The following EEPD1 variants were observed in gnomAD, a reference collection of about 807,000 sequenced individuals.
EEPD1 encodes the protein endonuclease/exonuclease/phosphatase family domain-containing protein 1.
EEPD1 carries 17 observed loss-of-function variants against 46.3 expected under a neutral mutation model. That is an observed-to-expected ratio of 0.37 (90% CI 0.25 to 0.55). The LOEUF is 0.55. EEPD1 is among the 20% of genes least tolerant of loss of function. EEPD1 has a pLI of 0.83. For synonymous variants in EEPD1, 313 were observed against 315.6 expected (o/e 0.99, Z 0.09); for missense variants, 673 against 745.6 (o/e 0.90, Z 1.13).
In EEPD1 at chr7:36,178,042, C is replaced by T. The variant is rs559160307; in HGVS notation, c.878+22840C>T. On this transcript the variant is annotated intron_variant, in intron 2 of 7. Coordinates refer to ENST00000242108, the MANE Select transcript of EEPD1 (RefSeq NM_030636.3). ...TCACAGTTTTTATGTCTCAGTGTTT[C>T]ATTATTGCTTCAAGTGTCTGACTTA... is the stretch of plus-strand genomic sequence containing the variant. 2.6e-5 allele frequency among the ~76,000 whole-genome samples: 4 copies of T among 152,264 alleles called. No individual in the cohort carries two copies. The South Asian group carries it at 8.3e-4, about 32-fold the overall frequency.
rs544946041 is a variant in EEPD1 at position 36,235,998 on chromosome 7, C to T, written c.879-2987C>T. Among the ~76,000 whole-genome samples, 38 of 150,948 alleles carry T rather than the reference C, an allele frequency of 2.5e-4. 1 individual carries two copies. Among genetic ancestry groups the T allele is most frequent in the South Asian group, 8.3e-4 (4 of 4,794 alleles). On this transcript the variant is annotated intron_variant, in intron 2 of 7. Coordinates refer to ENST00000242108, the MANE Select transcript of EEPD1 (RefSeq NM_030636.3). ...GGAGTGCAGTGGCGTGATCTCTGCT[C>T]ACTGCAGCCTCGACCTCCCGGGCTC...
chr7:36,191,516 G>A (rs1478227493), intron 2 of EEPD1, among the ~76,000 whole-genome samples: 3 of 152,226 alleles, frequency 2.0e-5, no homozygotes, highest in Non-Finnish European at 4.4e-5. Context: ...CTTGGAAGCA[G>A]CTATCATCCT....
intron 3 of EEPD1, among the ~76,000 whole-genome samples, chr7:36,245,399 C>A (rs79363874): frequency 1.3e-5 from 2 of 152,170 alleles, no homozygotes; most frequent in Non-Finnish European, 2.9e-5. Flanking sequence ...CATCAAATCA[C>A]GTGTTCTGGG....
At chr7:36,186,112 T>G (rs1020352423) in intron 2 of EEPD1, among the ~76,000 whole-genome samples, 17 of 152,196 alleles carry the variant, frequency 1.1e-4, no homozygotes, top group Non-Finnish European at 2.2e-4. Flanking sequence ...TAGCAAAATA[T>G]GAGCTTTGCA....
At chr7:36,213,813 C>T (rs559844280) in intron 2 of EEPD1, among the ~76,000 whole-genome samples, 7 of 152,274 alleles carry the variant, frequency 4.6e-5, no homozygotes, top group East Asian at 1.9e-4. Flanking sequence ...TGTACCCCCC[C>T]GGATTGTCGG....
intron 3 of EEPD1, among the ~76,000 whole-genome samples, chr7:36,259,844 A>G (rs1162725361): frequency 6.6e-6 from 1 of 152,216 alleles, no homozygotes; most frequent in Non-Finnish European, 1.5e-5. Context: ...TATGTCTTCT[A>G]AAGTAGATAA....
At chr7:36,277,307 C>A (rs72622379) in intron 3 of EEPD1, among the ~76,000 whole-genome samples, 2 of 152,176 alleles carry the variant, frequency 1.3e-5, no homozygotes, top group Non-Finnish European at 2.9e-5. Flanking sequence ...CCTTTCTGTG[C>A]AGCACTGTAC....
At chr7:36,202,259 T>C (rs1210926797) in intron 2 of EEPD1, among the ~76,000 whole-genome samples, 1 of 152,150 alleles carries the variant, frequency 6.6e-6, no homozygotes, top group Non-Finnish European at 1.5e-5. Context: ...TGTCAGGCCC[T>C]TGTGTGGAGT....
chr7:36,205,823 C>G (rs1229444744), intron 2 of EEPD1, among the ~76,000 whole-genome samples: 2 of 152,160 alleles, frequency 1.3e-5, no homozygotes, highest in Admixed American at 6.6e-5. Flanking sequence ...GTGGAGTTTT[C>G]TGCAAAGTGG....
chr7:36,229,409 A>T (rs2115762067), intron 2 of EEPD1: 1 of 152,342 alleles, frequency 6.6e-6, no homozygotes, highest in South Asian at 2.1e-4. Context: ...AGAGAGAGAA[A>T]GAGAATGTGA....
intron 3 of EEPD1, among the ~76,000 whole-genome samples, chr7:36,271,624 A>G (rs1179568961): frequency 1.3e-5 from 2 of 150,632 alleles, no homozygotes; most frequent in African/African-American, 4.9e-5. Flanking sequence ...ATTAGATCCC[A>G]TTTGTCAATT....
At position 36,154,566 on chromosome 7, in the gene EEPD1, C is replaced by T. The variant is rs375732520; in HGVS notation, c.242C>T (p.Ala81Val). 8.7e-6 allele frequency: 14 copies of T among 1,613,970 alleles called. No homozygotes were observed. The highest frequency in any genetic ancestry group is 1.2e-5 in the Non-Finnish European group (14 of 1,180,012). ...GGCTTCAAGAAGGTGGAGGACCTGG[C>T]ATTGGTCAGTGGTGTAGGCGCCACC... ...IGGFKKVEDL[A>V]LVSGVGATKL... Residue 81 changes from alanine to valine, a missense_variant, in exon 2 of 8, where the codon GCA becomes GTA. Coordinates refer to ENST00000242108, the MANE Select transcript of EEPD1 (RefSeq NM_030636.3). The surrounding 1 kb of genome is among the most constrained non-coding windows in gnomAD (Gnocchi z 4.2).
intron 2 of EEPD1, among the ~76,000 whole-genome samples, chr7:36,201,019 G>A (rs1349926724): frequency 6.6e-6 from 1 of 152,182 alleles, no homozygotes; most frequent in African/African-American, 2.4e-5. Context: ...TCTCTTGATA[G>A]GATGCCCAAG....
chr7:36,237,136 G>T (rs909773583), intron 2 of EEPD1, among the ~76,000 whole-genome samples: 1 of 152,132 alleles, frequency 6.6e-6, no homozygotes, highest in Non-Finnish European at 1.5e-5. Context: ...AACACTCACC[G>T]CAAACGTCTG....
intron 3 of EEPD1, among the ~76,000 whole-genome samples, chr7:36,259,634 C>T (rs918964078): frequency 6.6e-6 from 1 of 152,062 alleles, no homozygotes; most frequent in Non-Finnish European, 1.5e-5. Flanking sequence ...CTCAGCCTCC[C>T]AAGTAGCTGG....
intron 3 of EEPD1, among the ~76,000 whole-genome samples, chr7:36,246,924 G>A (rs1786649813): frequency 6.6e-6 from 1 of 152,032 alleles, no homozygotes; most frequent in Non-Finnish European, 1.5e-5. Flanking sequence ...TCAGGAGTTC[G>A]AGACCAGCCT....
At chr7:36,246,823 G>T (rs1282870336) in intron 3 of EEPD1, among the ~76,000 whole-genome samples, 1 of 152,006 alleles carries the variant, frequency 6.6e-6, no homozygotes, top group Admixed American at 6.6e-5. Flanking sequence ...AGCAAGCTTG[G>T]GACTAGAAAA....
At chr7:36,212,591 A>T (rs953801447) in intron 2 of EEPD1, among the ~76,000 whole-genome samples, 1 of 129,888 alleles carries the variant, frequency 7.7e-6, no homozygotes, top group Non-Finnish European at 1.7e-5. Context: ...CTAATGTCCC[A>T]TTGGCCAAAG....
At chr7:36,259,614 A>C (rs1371110842) in intron 3 of EEPD1, among the ~76,000 whole-genome samples, 1 of 151,974 alleles carries the variant, frequency 6.6e-6, no homozygotes, top group Non-Finnish European at 1.5e-5. Context: ...GGCTCAGGTG[A>C]TTCTCCCACC....
Sources: allele counts gnomAD v4.1 joint callset (sites outside exome capture counted in the v4.1 genomes callset), GRCh38; gene constraint gnomAD v4.1.1; non-coding constraint Gnocchi (gnomAD v3.1); transcripts MANE v1.5; gene names NCBI Gene and HGNC (gene_info 2026-07-23, HGNC 2026-07-21).